The following GALNT13 variants were observed in gnomAD, a reference collection of about 807,000 sequenced individuals.
GALNT13 encodes the protein polypeptide N-acetylgalactosaminyltransferase 13, also known as UDP-GalNAc:polypeptide N-acetylgalactosaminyltransferase 13.
Under a neutral mutation model 64.2 loss-of-function variants are expected in GALNT13, and 28 were observed. The ratio of observed to expected loss-of-function variants is 0.44; its 90% confidence interval spans 0.32 to 0.60. The LOEUF is 0.60. Ranked by LOEUF, GALNT13 falls within the 20% of genes least tolerant of loss-of-function variation. The pLI is 0.05. For synonymous variants in GALNT13, 214 were observed against 224.6 expected, an observed-to-expected ratio of 0.95 and a Z score of 0.42; for missense variants, 577 against 669.8, an observed-to-expected ratio of 0.86 and a Z score of 1.53.
At chr2:154,335,587 C>T (rs1428657319) in intron 9 of GALNT13, among the ~76,000 whole-genome samples, 2 of 151,962 alleles carry the variant, frequency 1.3e-5, no homozygotes, top group African/African-American at 4.8e-5. Context: ...GGACCCTTCT[C>T]TGTAATGGCC....
the GALNT13 span, among the ~76,000 whole-genome samples, chr2:153,315,676 T>C: frequency 6.6e-6 from 1 of 152,160 alleles, no homozygotes; most frequent in Non-Finnish European, 1.5e-5. Flanking sequence ...TGAACAATTA[T>C]CAACCAGGTT....
chr2:154,413,861 A>G (rs1259637230), intron 11 of GALNT13, among the ~76,000 whole-genome samples: 1 of 152,096 alleles, frequency 6.6e-6, no homozygotes, highest in African/African-American at 2.4e-5. Context: ...TTATTGTTTA[A>G]CATACAATAT....
chr2:153,409,314 ATATG>A, the GALNT13 span, among the ~76,000 whole-genome samples: 33 of 147,024 alleles, frequency 2.2e-4, no homozygotes, highest in Admixed American at 8.1e-4. Context: ...ATATATATGA[ATATG>A]TATATATTCA....
the GALNT13 span, among the ~76,000 whole-genome samples, chr2:153,073,125 C>A: frequency 6.6e-6 from 1 of 152,052 alleles, no homozygotes; most frequent in African/African-American, 2.4e-5. Flanking sequence ...CTTTGAAATA[C>A]AATATGCTGT....
At chr2:154,401,640 TC>T (rs1012460357) in intron 10 of GALNT13, among the ~76,000 whole-genome samples, 3 of 152,172 alleles carry the variant, frequency 2.0e-5, no homozygotes, top group African/African-American at 7.2e-5. Context: ...TAAAATTCAT[TC>T]TAATTTTATT....
At chr2:153,848,611 T>G in the GALNT13 span, among the ~76,000 whole-genome samples, 2 of 152,072 alleles carry the variant, frequency 1.3e-5, no homozygotes, top group Non-Finnish European at 2.9e-5. Context: ...GAAATACAAA[T>G]TTCTCAAATC....
the GALNT13 span, among the ~76,000 whole-genome samples, chr2:153,205,532 C>T: frequency 2.6e-5 from 4 of 151,976 alleles, no homozygotes; most frequent in African/African-American, 7.2e-5. Context: ...ATTTATCCAT[C>T]TTCATATTCT....
the GALNT13 span, among the ~76,000 whole-genome samples, chr2:153,223,338 A>G: frequency 6.6e-6 from 1 of 152,222 alleles, no homozygotes; most frequent in Non-Finnish European, 1.5e-5. Flanking sequence ...TCTAATTAAT[A>G]GTATCGAATT....
chr2:153,193,541 A>G, the GALNT13 span, among the ~76,000 whole-genome samples: 1 of 152,018 alleles, frequency 6.6e-6, no homozygotes, highest in Non-Finnish European at 1.5e-5. Flanking sequence ...GCACATGTAT[A>G]CATATGTAAC....
chr2:154,211,383 T>A (rs922476280), intron 4 of GALNT13, among the ~76,000 whole-genome samples: 1 of 151,708 alleles, frequency 6.6e-6, no homozygotes, highest in Non-Finnish European at 1.5e-5. Flanking sequence ...TCTCAGCACT[T>A]TGGAAGGCCG....
the GALNT13 span, among the ~76,000 whole-genome samples, chr2:153,414,385 A>G: frequency 6.6e-6 from 1 of 151,032 alleles, no homozygotes; most frequent in Non-Finnish European, 1.5e-5. Context: ...AAAAATAAAA[A>G]TAAAAAAAAA....
At chr2:154,202,733 C>T (rs1162262976) in intron 4 of GALNT13, among the ~76,000 whole-genome samples, 1 of 152,016 alleles carries the variant, frequency 6.6e-6, no homozygotes, top group African/African-American at 2.4e-5. Flanking sequence ...TAGGTCCAGT[C>T]TCTTTTGATA....
chr2:153,740,792 A>C, the GALNT13 span, among the ~76,000 whole-genome samples: 6 of 152,262 alleles, frequency 3.9e-5, no homozygotes, highest in African/African-American at 1.4e-4. Context: ...TAGTTTGTGA[A>C]TGCTTTGCAT....
chr2:153,070,332 A>C, the GALNT13 span, among the ~76,000 whole-genome samples: 1 of 152,158 alleles, frequency 6.6e-6, no homozygotes, highest in East Asian at 1.9e-4. Flanking sequence ...GGTGGGATGA[A>C]TTAAGTAGAG....
intron 3 of GALNT13, among the ~76,000 whole-genome samples, chr2:154,010,349 CAT>C (rs939635370): frequency 3.7e-4 from 57 of 152,042 alleles, no homozygotes; most frequent in African/African-American, 1.3e-3. Context: ...TTGAGATGAA[CAT>C]GTGTTTTTTG....
chr2:154,377,316 A>G (rs530662336), intron 9 of GALNT13, among the ~76,000 whole-genome samples: 1 of 152,120 alleles, frequency 6.6e-6, no homozygotes, highest in African/African-American at 2.4e-5. Context: ...TTTTTTACAC[A>G]TTTATGGCCC....
At chr2:153,526,595 A>G in the GALNT13 span, among the ~76,000 whole-genome samples, 1 of 152,210 alleles carries the variant, frequency 6.6e-6, no homozygotes, top group Non-Finnish European at 1.5e-5. Context: ...AAACAAGTCC[A>G]GACTGTGAAG....
chr2:153,713,631 C>T, the GALNT13 span, among the ~76,000 whole-genome samples: 6 of 152,222 alleles, frequency 3.9e-5, no homozygotes, highest in South Asian at 2.1e-4. Context: ...TACAGGTGTA[C>T]GCCACCACAC....
intron 3 of GALNT13, among the ~76,000 whole-genome samples, chr2:154,017,203 TCTGA>T (rs1385877334): frequency 1.3e-5 from 2 of 152,176 alleles, no homozygotes; most frequent in South Asian, 2.1e-4. Context: ...TTCTCTTTAG[TCTGA>T]CTAATATGAC....
Sources: gnomAD v4.1 joint callset for allele counts (sites outside exome capture counted in the v4.1 genomes callset) on GRCh38, gnomAD v4.1.1 for gene constraint, MANE v1.5 for transcripts, NCBI Gene and HGNC (gene_info 2026-07-23, HGNC 2026-07-21) for gene names.